The following FANCC variants were observed in gnomAD, a reference collection of about 807,000 sequenced individuals.
FANCC encodes the protein FA complementation group C, also known as Fanconi anemia group C protein.
A neutral mutation model predicts 71.3 loss-of-function variants in FANCC; 55 were observed. The ratio of observed to expected loss-of-function variants is 0.77; its 90% CI spans 0.62 to 0.97. FANCC has a LOEUF of 0.97. FANCC is among the 50% of genes least tolerant of loss of function. The pLI is 0.00. For missense variants in FANCC, 678 were observed against 670.9 expected (o/e 1.01, Z -0.12); for synonymous variants, 275 against 244.9 (o/e 1.12, Z -1.15).
chr9:95,140,906 C>A (rs894059450), intron 7 of FANCC, among the ~76,000 whole-genome samples: 1 of 151,950 alleles, frequency 6.6e-6, no homozygotes, highest in Non-Finnish European at 1.5e-5. Context: ...ATGTGCAAAC[C>A]CAAACACACC....
chr9:95,203,190 A>G (rs1355510605), intron 4 of FANCC, among the ~76,000 whole-genome samples: 2 of 152,068 alleles, frequency 1.3e-5, no homozygotes, highest in African/African-American at 2.4e-5. Context: ...TGAGCTCAGG[A>G]GTTCAAGACC....
chr9:95,245,665 G>C (rs912195012), intron 3 of FANCC, among the ~76,000 whole-genome samples: 4 of 151,890 alleles, frequency 2.6e-5, no homozygotes, highest in African/African-American at 9.7e-5. Context: ...GGGAGGTCGA[G>C]GCGGGTGAAT....
At position 95,101,883 on chromosome 9, in the gene FANCC, AAC is replaced by A. The variant is rs1218612491; in HGVS notation, c.1534-35_1534-34del. 2.5e-6 allele frequency: 4 copies of A among 1,612,942 alleles called. No homozygotes were observed. The South Asian group carries it at 3.3e-5, about 13-fold the overall frequency. On this transcript the variant is annotated intron_variant, in intron 14 of 14. Transcript: ENST00000289081. ...CAGGACAGAAGAGAAGGCAAATTAA[AAC>A]ACTTTCCAGACAGATTTGTCCTTTG...
chr9:95,185,246 A>G lies in FANCC; in HGVS notation c.346-13099T>C, dbSNP rs564229018. ...TTCCAACATGCAAATAGCACTCTTC[A>G]TATTAGAATAATCTACAATCGAAAT... On this transcript the variant is annotated intron_variant, in intron 4 of 14. Transcript: ENST00000289081. Among the ~76,000 whole-genome samples, 15 of 152,374 alleles carry G rather than the reference A, an allele frequency of 9.8e-5. No homozygotes were observed. The East Asian group carries it at 1.5e-3, about 16-fold the overall frequency.
chr9:95,170,302 A>G (rs1431780809), intron 6 of FANCC, among the ~76,000 whole-genome samples: 2 of 151,968 alleles, frequency 1.3e-5, no homozygotes, highest in East Asian at 3.9e-4. Flanking sequence ...GTTTTCCTCT[A>G]ATAATTATAT....
chr9:95,125,858 C>T (rs1825901198), intron 9 of FANCC, among the ~76,000 whole-genome samples: 1 of 152,164 alleles, frequency 6.6e-6, no homozygotes, highest in Admixed American at 6.5e-5. Flanking sequence ...GGGGCTGGGA[C>T]ACTCCCAGGT....
At chr9:95,127,258 C>A (rs1826140752) in intron 8 of FANCC, 1 of 152,594 alleles carries the variant, frequency 6.6e-6, no homozygotes, top group African/African-American at 2.4e-5. Context: ...CTGGCCCAGT[C>A]CCTGGTTCCC....
chr9:95,170,713 AGT>A (rs1825619701), intron 6 of FANCC, among the ~76,000 whole-genome samples: 1 of 148,504 alleles, frequency 6.7e-6, no homozygotes, highest in African/African-American at 2.5e-5. Flanking sequence ...AGGGCAGGCT[AGT>A]GTGAGAGCAT....
rs900861748 is a variant in FANCC at position 95,140,473 on chromosome 9, C to CA, written c.687-4972dup. Among the ~76,000 whole-genome samples, 12 of 140,144 alleles carry CA rather than the reference C, an allele frequency of 8.6e-5. No individual in the cohort carries two copies. In the South Asian group the frequency reaches 1.4e-3, roughly 17 times the overall value. The allele number at this position is 140,144 out of a possible 152,430, so 91.9% of individuals were successfully genotyped here. A position where few individuals can be genotyped will look rare whatever the true frequency, so the allele number is the denominator to read the frequency against. On this transcript the variant is annotated intron_variant, in intron 7 of 14. Transcript: ENST00000289081. Reference sequence around the variant, plus strand: ...TTGGCTCCAAATATTTTTATAGCTACAAAAAAACAAAACAAAACAAAACAA... The same window carrying CA: ...TTGGCTCCAAATATTTTTATAGCTACAAAAAAAACAAAACAAAACAAAACAA...
chr9:95,109,445 AT>A (rs920302999), intron 13 of FANCC, among the ~76,000 whole-genome samples: 89 of 147,052 alleles, frequency 6.1e-4, no homozygotes, highest in South Asian at 1.5e-3. Flanking sequence ...CCCTTGCCTG[AT>A]TTTTTTTTTT....
chr9:95,191,279 G>GGCCCAGCCCAGCCCA (rs546493500), intron 4 of FANCC, among the ~76,000 whole-genome samples: 2 of 150,122 alleles, frequency 1.3e-5, no homozygotes, highest in Non-Finnish European at 3.0e-5. Flanking sequence ...AACCTCACAA[G>GGCCCAGCCCAGCCCA]GCCCAGCCCA....
intron 6 of FANCC, among the ~76,000 whole-genome samples, chr9:95,155,956 G>T (rs1830445216): frequency 1.3e-5 from 2 of 151,480 alleles, no homozygotes. Context: ...AAACTCCTGG[G>T]TTCAAGCAAT....
chr9:95,129,175 A>G (rs893025915), intron 8 of FANCC, among the ~76,000 whole-genome samples: 1 of 152,010 alleles, frequency 6.6e-6, no homozygotes, highest in Non-Finnish European at 1.5e-5. Flanking sequence ...TGCTACCCCT[A>G]CAGCTGTGAA....
At chr9:95,203,016 A>C (rs1300390712) in intron 4 of FANCC, among the ~76,000 whole-genome samples, 3 of 152,194 alleles carry the variant, frequency 2.0e-5, no homozygotes, top group Admixed American at 2.0e-4. Context: ...AATAAGTAAA[A>C]GGGATCATAA....
chr9:95,237,044 GC>G (rs1323744520), intron 4 of FANCC, among the ~76,000 whole-genome samples: 1 of 152,148 alleles, frequency 6.6e-6, no homozygotes, highest in Non-Finnish European at 1.5e-5. Flanking sequence ...CTGATGATGG[GC>G]AATGTAATTA....
At chr9:95,270,045 G>T (rs899129716) in intron 1 of FANCC, among the ~76,000 whole-genome samples, 1 of 152,092 alleles carries the variant, frequency 6.6e-6, no homozygotes, top group African/African-American at 2.4e-5. Flanking sequence ...CAGAGAGCAC[G>T]GGGTTGGGGG....
At chr9:95,278,018 A>G (rs1310262554) in intron 1 of FANCC, among the ~76,000 whole-genome samples, 39 of 152,232 alleles carry the variant, frequency 2.6e-4, no homozygotes, top group Admixed American at 2.6e-3. Flanking sequence ...ATAAAAATGA[A>G]TTGCATAAAA....
At chr9:95,266,380 C>T (rs1832386027) in intron 1 of FANCC, among the ~76,000 whole-genome samples, 12 of 152,180 alleles carry the variant, frequency 7.9e-5, no homozygotes, top group Admixed American at 7.9e-4. Context: ...GGGCTTGGTA[C>T]CGACAGGCAG....
chr9:95,252,274 C>CAAAAAAAAAAAAAAA (rs71366284), intron 1 of FANCC, among the ~76,000 whole-genome samples: 3 of 50,146 alleles, frequency 6.0e-5, no homozygotes, highest in African/African-American at 1.6e-4. Flanking sequence ...GAGACTGATT[C>CAAAAAAAAAAAAAAA]AAAAAAAAAA....
Sources: gnomAD v4.1 joint callset for allele counts (sites outside exome capture counted in the v4.1 genomes callset) on GRCh38, gnomAD v4.1.1 for gene constraint, MANE v1.5 for transcripts, NCBI Gene and HGNC (gene_info 2026-07-23, HGNC 2026-07-21) for gene names.